Variants in SLC12A6 observed in about 807,000 individuals in gnomAD.
The protein encoded by SLC12A6 is solute carrier family 12 member 6, also known as K-Cl cotransporter 3.
In SLC12A6, 66 loss-of-function variants were observed where a neutral mutation model predicts 135.3. That is an observed-to-expected ratio of 0.49 (90% CI 0.40 to 0.60). The LOEUF (loss-of-function observed/expected upper bound fraction) is 0.60, where lower values mean the gene tolerates loss of function less well. SLC12A6 is among the 20% of genes least tolerant of loss of function. The probability of loss-of-function intolerance (pLI) is 0.00; values close to 1 mark genes in which losing one functional copy is unlikely to be tolerated. For missense variants in SLC12A6, 1,058 were observed against 1,452.3 expected (o/e 0.73, Z 4.41); for synonymous variants, 513 against 508.8 (o/e 1.01, Z -0.11).
At chr15:34,238,811 A>T in intron 20 of SLC12A6, 154 bp downstream of exon 20, 1 of 760,596 alleles carries the variant, frequency 1.3e-6, no homozygotes, top group Non-Finnish European at 2.4e-6. Flanking sequence ...GGTAGGTAGA[A>T]TCTGGGTATT....
chr15:34,320,053 G>A (rs986110117), intron 2 of SLC12A6, among the ~76,000 whole-genome samples: 1 of 152,164 alleles, frequency 6.6e-6, no homozygotes, highest in Non-Finnish European at 1.5e-5. Flanking sequence ...GGGGAGTTCA[G>A]TAAATTGAGC....
intron 3 of SLC12A6, among the ~76,000 whole-genome samples, chr15:34,270,824 CAAAAAACAA>C (rs1566828475): frequency 2.4e-5 from 3 of 125,978 alleles, no homozygotes; most frequent in East Asian, 4.5e-4. Flanking sequence ...CAAAACAAAA[CAAAAAACAA>C]AAAAAAAAAA....
intron 13 of SLC12A6, among the ~76,000 whole-genome samples, chr15:34,247,128 TAAAA>T (rs1290649620): frequency 6.6e-6 from 1 of 152,066 alleles, no homozygotes; most frequent in African/African-American, 2.4e-5. Context: ...TCTTCTGTAT[TAAAA>T]AAAATTAAGG....
chr15:34,247,870 A>G (rs1892106532), intron 13 of SLC12A6, among the ~76,000 whole-genome samples: 1 of 151,868 alleles, frequency 6.6e-6, no homozygotes, highest in Admixed American at 6.6e-5. Flanking sequence ...ATGCCCAGCT[A>G]ATTTTTTACT....
chr15:34,250,783 G>T, intron 11 of SLC12A6, 54 bp from the exon 12 acceptor site: 1 of 1,341,640 alleles, frequency 7.5e-7, no homozygotes, highest in South Asian at 1.2e-5. Context: ...CTTTGATATT[G>T]ATACTGATAG....
In SLC12A6 at chr15:34,310,547, CTGTG is replaced by C. The variant is rs59979245; in HGVS notation, c.271+25859_271+25862del. On this transcript the variant is annotated intron_variant, in intron 2 of 25. Coordinates refer to ENST00000354181, the MANE Select transcript of SLC12A6 (RefSeq NM_001365088.1). ...GCTAGTGTTGAACTCCTGGGCTCAA[CTGTG>C]TGTGTGTGTGTGTGTGTGTATGTGT... Among the ~76,000 whole-genome samples the C allele has an allele frequency of 2.0e-3, 67 of 34,096 alleles. 5 individuals carry two copies. Among genetic ancestry groups the C allele is most frequent in the African/African-American group, 0.014 (58 of 4,050 alleles). The allele number at this position is 34,096 out of a possible 152,430, so 22.4% of individuals were successfully genotyped here.
At chr15:34,266,549 C>T (rs558905907) in intron 3 of SLC12A6, among the ~76,000 whole-genome samples, 1 of 152,272 alleles carries the variant, frequency 6.6e-6, no homozygotes, top group Admixed American at 6.5e-5. Context: ...CCAAGAGATC[C>T]TCCCACCTCA....
Position 34,279,308 on chromosome 15 carries a change from C to T in SLC12A6, c.272-3919G>A, listed in dbSNP as rs542001082. Among the ~76,000 whole-genome samples the T allele has an allele frequency of 1.7e-4, 25 of 150,958 alleles. No individual in the cohort carries two copies. In the South Asian group the frequency reaches 4.2e-3, roughly 25 times the overall value. ...CAGCCTGGGCGACAGAGCAAGACTC[C>T]GTCTCAAAAAAACAAACAAAAAACA... On this transcript the variant is annotated intron_variant, in intron 2 of 25. Transcript: ENST00000354181.
chr15:34,336,166 G>A (rs1890180898), intron 2 of SLC12A6, among the ~76,000 whole-genome samples: 1 of 152,100 alleles, frequency 6.6e-6, no homozygotes, highest in Non-Finnish European at 1.5e-5. Flanking sequence ...CAAAAATGAG[G>A]AAGTTAAAAT....
intron 2 of SLC12A6, among the ~76,000 whole-genome samples, chr15:34,323,940 C>CAAAAAAAAAAAAAA (rs144461318): frequency 1.9e-4 from 25 of 130,968 alleles, no homozygotes; most frequent in African/African-American, 6.4e-4. Flanking sequence ...GATCTTGTCT[C>CAAAAAAAAAAAAAA]AAAAAAAAAA....
chr15:34,277,245 C>A (rs1277553436), intron 2 of SLC12A6, among the ~76,000 whole-genome samples: 1 of 152,104 alleles, frequency 6.6e-6, no homozygotes, highest in African/African-American at 2.4e-5. Flanking sequence ...CCAGCCTGAG[C>A]AACATAGTGA....
intron 2 of SLC12A6, among the ~76,000 whole-genome samples, chr15:34,301,061 C>G (rs1293304621): frequency 6.6e-6 from 1 of 151,684 alleles, no homozygotes. Context: ...CTCCGCCTCC[C>G]AGGTTCAAGC....
At chr15:34,318,839 G>C (rs1888846320) in intron 2 of SLC12A6, 1 of 1,492,714 alleles carries the variant, frequency 6.7e-7, no homozygotes, top group Non-Finnish European at 8.9e-7. Context: ...GTGACCTACA[G>C]CCCTGAGGGA....
At chr15:34,320,682 C>T (rs138380505) in intron 2 of SLC12A6, among the ~76,000 whole-genome samples, 4 of 150,732 alleles carry the variant, frequency 2.7e-5, no homozygotes, top group Non-Finnish European at 4.4e-5. Flanking sequence ...TTTGGGAGGC[C>T]GAGGCGGGTG....
At position 34,275,661 on chromosome 15, in the gene SLC12A6, A is replaced by G. The variant is rs546392287; in HGVS notation, c.272-272T>C. 3.3e-5 allele frequency among the ~76,000 whole-genome samples: 5 copies of G among 152,314 alleles called. No individual in the cohort carries two copies. The South Asian group carries it at 1.0e-3, about 32-fold the overall frequency. On this transcript the variant is annotated intron_variant, in intron 2 of 25. Coordinates refer to ENST00000354181, the MANE Select transcript of SLC12A6 (RefSeq NM_001365088.1). ...CAGGGACTCAAACAGATACTTTACC[A>G]CAAAGTTTATGACAAAATAATTCAC...
intron 2 of SLC12A6, among the ~76,000 whole-genome samples, chr15:34,327,647 G>A (rs1889562120): frequency 6.7e-6 from 1 of 149,548 alleles, no homozygotes; most frequent in African/African-American, 2.5e-5. Flanking sequence ...AATAGAGCAA[G>A]ACTCTGTCTC....
chr15:34,326,245 T>C (rs1403195164), intron 2 of SLC12A6, among the ~76,000 whole-genome samples: 1 of 152,088 alleles, frequency 6.6e-6, no homozygotes, highest in African/African-American at 2.4e-5. Flanking sequence ...CCAAAGAGGG[T>C]AGCACTGGCA....
At position 34,321,904 on chromosome 15, in the gene SLC12A6, AC is replaced by A. The variant is rs1278966576; in HGVS notation, c.271+14505del. On this transcript the variant is annotated intron_variant, in intron 2 of 25. Coordinates refer to ENST00000354181, the MANE Select transcript of SLC12A6 (RefSeq NM_001365088.1). ...GAATCCACTTTTATAAGGTTTTAGAACAGACAAAACTAACCTATGATGCAGA... is the reference window on the plus strand; with the variant it reads ...GAATCCACTTTTATAAGGTTTTAGAAAGACAAAACTAACCTATGATGCAGA... 1.9e-4 allele frequency among the ~76,000 whole-genome samples: 29 copies of A among 152,338 alleles called. 1 individual carries two copies. The highest frequency in any genetic ancestry group is 1.9e-3 in the Admixed American group (29 of 15,300).
chr15:34,333,620 T>C (rs1263472949), intron 2 of SLC12A6, among the ~76,000 whole-genome samples: 1 of 152,214 alleles, frequency 6.6e-6, no homozygotes, highest in Non-Finnish European at 1.5e-5. Flanking sequence ...CATAAGCTAA[T>C]ACACTGCTAA....
Sources: allele counts gnomAD v4.1 joint callset (sites outside exome capture counted in the v4.1 genomes callset), GRCh38; gene constraint gnomAD v4.1.1; transcripts MANE v1.5; gene names NCBI Gene and HGNC (gene_info 2026-07-23, HGNC 2026-07-21).